The following HAPLN1 variants were observed in gnomAD, a reference collection of about 807,000 sequenced individuals.
HAPLN1 encodes Cartilage link protein.
HAPLN1 carries 13 observed loss-of-function variants against 36.5 expected under a neutral mutation model. That is an observed-to-expected ratio of 0.36 (90% CI 0.23 to 0.57). HAPLN1 has a LOEUF of 0.57. Ranked by LOEUF, HAPLN1 falls within the 20% of genes least tolerant of loss-of-function variation. The pLI, the probability that HAPLN1 is intolerant of heterozygous loss-of-function variation, is 0.83. For synonymous variants in HAPLN1, 202 were observed against 169.8 expected (o/e 1.19, Z -1.48); for missense variants, 407 against 439.7 (o/e 0.93, Z 0.66).
At chr5:83,718,554 A>T (rs1170433299) in intron 1 of HAPLN1, among the ~76,000 whole-genome samples, 1 of 152,210 alleles carries the variant, frequency 6.6e-6, no homozygotes, top group Non-Finnish European at 1.5e-5. Flanking sequence ...AACACTATTG[A>T]TTAAAATCCT....
intron 1 of HAPLN1, among the ~76,000 whole-genome samples, chr5:83,681,325 A>C (rs182224915): frequency 8.5e-5 from 13 of 152,292 alleles, no homozygotes; most frequent in Non-Finnish European, 1.5e-4. Flanking sequence ...AGCCATCAGA[A>C]GGCCCCTTGT....
chr5:83,692,583 T>C (rs966470463), intron 1 of HAPLN1, among the ~76,000 whole-genome samples: 1 of 151,826 alleles, frequency 6.6e-6, no homozygotes, highest in South Asian at 2.1e-4. Context: ...CATACAAAGC[T>C]AAAATAATTC....
chr5:83,683,704 T>C (rs1344696126), intron 1 of HAPLN1, among the ~76,000 whole-genome samples: 1 of 152,194 alleles, frequency 6.6e-6, no homozygotes, highest in East Asian at 1.9e-4. Flanking sequence ...AAAAAGGAAC[T>C]GCTATCTAAA....
At chr5:83,714,950 G>C (rs957316002) in intron 1 of HAPLN1, among the ~76,000 whole-genome samples, 1 of 152,234 alleles carries the variant, frequency 6.6e-6, no homozygotes, top group Non-Finnish European at 1.5e-5. Context: ...AGATCTGTCT[G>C]GCTAAAGCGC....
intron 2 of HAPLN1, among the ~76,000 whole-genome samples, chr5:83,659,630 G>T (rs776107531): frequency 1.3e-5 from 2 of 152,042 alleles, no homozygotes; most frequent in Non-Finnish European, 2.9e-5. Flanking sequence ...TTAACAAATA[G>T]ACAAGAACCT....
chr5:83,648,174 T>C (rs1239033876), intron 3 of HAPLN1, among the ~76,000 whole-genome samples: 1 of 151,898 alleles, frequency 6.6e-6, no homozygotes, highest in African/African-American at 2.4e-5. Context: ...AGGTAGGTAA[T>C]TGGTGGCAGT....
chr5:83,683,031 T>C (rs1051520455), intron 1 of HAPLN1, among the ~76,000 whole-genome samples: 1 of 152,230 alleles, frequency 6.6e-6, no homozygotes, highest in Non-Finnish European at 1.5e-5. Context: ...TGTAGCTTTC[T>C]TTTATGAAGA....
At chr5:83,679,240 G>A (rs1416645171) in intron 1 of HAPLN1, among the ~76,000 whole-genome samples, 1 of 152,106 alleles carries the variant, frequency 6.6e-6, no homozygotes, top group African/African-American at 2.4e-5. Context: ...AGCTGTAGAT[G>A]TTTCTACAAT....
chr5:83,693,782 C>T (rs978230547), intron 1 of HAPLN1, among the ~76,000 whole-genome samples: 6 of 151,656 alleles, frequency 4.0e-5, no homozygotes, highest in Admixed American at 2.6e-4. Flanking sequence ...GAGAACATTA[C>T]AACATTAAAA....
In HAPLN1 at chr5:83,652,486, C is replaced by G. The variant is rs1358124009; in HGVS notation, c.439G>C (p.Asp147His). The G allele has an allele frequency of 6.2e-7, 1 of 1,614,046 alleles. No homozygotes were observed. The highest frequency in any genetic ancestry group is 2.2e-5 in the East Asian group (1 of 44,882). Reference sequence around the variant, plus strand: ...TCCAGTGCTACCACAACAGTATCATCTTCTAATCCTTCAATCACCTCACAC... The same window carrying G: ...TCCAGTGCTACCACAACAGTATCATGTTCTAATCCTTCAATCACCTCACAC... ...YKCEVIEGLEDDTVVVALDLQ... is the reference protein window; with the variant it reads ...YKCEVIEGLEHDTVVVALDLQ... The change falls in exon 3 of 5, where the codon GAT (aspartate) becomes CAT (histidine). Residue 147 changes from aspartate to histidine, a missense_variant. Physicochemically the swap from Asp to His is moderately conservative, Grantham distance 81. Coordinates refer to ENST00000274341, the MANE Select transcript of HAPLN1 (RefSeq NM_001884.4).
At chr5:83,644,812 C>A (rs781476570) in intron 3 of HAPLN1, 147 bp from the exon 4 acceptor site, 2 of 482,044 alleles carry the variant, frequency 4.1e-6, no homozygotes, top group Non-Finnish European at 6.9e-6. Flanking sequence ...TCTCATGATC[C>A]CTTTCCCCTT....
rs1359498079 is a variant in HAPLN1 at position 83,640,999 on chromosome 5, G to A, written c.*497C>T. The A allele has an allele frequency of 6.6e-6, 1 of 151,012 alleles. No homozygotes were observed. Among genetic ancestry groups the A allele is most frequent in the East Asian group, 2.0e-4 (1 of 5,126 alleles). The allele number at this position is 151,012 out of a possible 1,614,324, so 9.4% of individuals were successfully genotyped here. The stretch of plus-strand genomic sequence containing the variant: ...GACTTGAAATATTAACTTTTAGAAA[G>A]GTATAGATTGTTCCCTTGTGAAACT... On this transcript the variant is annotated 3_prime_UTR_variant, in exon 5 of 5. Coordinates refer to ENST00000274341, the MANE Select transcript of HAPLN1 (RefSeq NM_001884.4).
At chr5:83,689,777 C>T (rs1461743300) in intron 1 of HAPLN1, among the ~76,000 whole-genome samples, 7 of 151,912 alleles carry the variant, frequency 4.6e-5, no homozygotes, top group Non-Finnish European at 8.8e-5. Context: ...TGTGCATGCA[C>T]CTATAAAAGT....
At chr5:83,702,867 A>T (rs958702146) in intron 1 of HAPLN1, among the ~76,000 whole-genome samples, 2 of 151,978 alleles carry the variant, frequency 1.3e-5, no homozygotes, top group Non-Finnish European at 2.9e-5. Context: ...ATGCACTACC[A>T]CACTTGACTA....
chr5:83,672,732 C>T (rs1561311264), intron 2 of HAPLN1, among the ~76,000 whole-genome samples: 1 of 152,190 alleles, frequency 6.6e-6, no homozygotes. Context: ...TTCTATAATT[C>T]CTTTTTTAAT....
chr5:83,712,758 A>T (rs1001409543), intron 1 of HAPLN1, among the ~76,000 whole-genome samples: 1 of 152,116 alleles, frequency 6.6e-6, no homozygotes, highest in Non-Finnish European at 1.5e-5. Context: ...TTAGAAAAAC[A>T]AGAATTTTTT....
chr5:83,708,757 G>A (rs1286298018), intron 1 of HAPLN1, among the ~76,000 whole-genome samples: 1 of 152,150 alleles, frequency 6.6e-6, no homozygotes, highest in Non-Finnish European at 1.5e-5. Flanking sequence ...TACTTACATA[G>A]TAGATACTCT....
At chr5:83,663,882 T>A (rs1750481677) in intron 2 of HAPLN1, among the ~76,000 whole-genome samples, 1 of 149,560 alleles carries the variant, frequency 6.7e-6, no homozygotes, top group African/African-American at 2.5e-5. Context: ...CCATGATTTC[T>A]CACCTGAACT....
At chr5:83,686,662 A>T (rs896252671) in intron 1 of HAPLN1, among the ~76,000 whole-genome samples, 2 of 152,144 alleles carry the variant, frequency 1.3e-5, no homozygotes, top group Non-Finnish European at 2.9e-5. Context: ...ACACACACAC[A>T]TATCTCATCC....
Sources: gnomAD v4.1 joint callset for allele counts (sites outside exome capture counted in the v4.1 genomes callset) on GRCh38, gnomAD v4.1.1 for gene constraint, MANE v1.5 for transcripts, NCBI Gene and HGNC (gene_info 2026-07-23, HGNC 2026-07-21) for gene names.